ANKRD7: variants seen among roughly 807,000 people sequenced by gnomAD.
The protein encoded by ANKRD7 is ankyrin repeat domain 7.
ANKRD7 carries 30 observed loss-of-function variants against 30.8 expected under a neutral mutation model. The ratio of observed to expected loss-of-function variants is 0.97; its 90% CI spans 0.73 to 1.32. ANKRD7 has a LOEUF of 1.32. ANKRD7 is among the 40% of genes most tolerant of loss of function. ANKRD7 has a pLI of 0.00. For missense variants in ANKRD7, 264 were observed against 295.7 expected (o/e 0.89, Z 0.79); for synonymous variants, 97 against 106.6 (o/e 0.91, Z 0.55).
chr7:118,240,622 C>G (rs1442232119), intron 6 of ANKRD7, among the ~76,000 whole-genome samples: 1 of 151,660 alleles, frequency 6.6e-6, no homozygotes, highest in African/African-American at 2.4e-5. Context: ...ATTTTTTAAC[C>G]CATTGTCTCA....
At chr7:118,240,925 C>T (rs1478722018) in intron 6 of ANKRD7, among the ~76,000 whole-genome samples, 2 of 150,974 alleles carry the variant, frequency 1.3e-5, no homozygotes, top group African/African-American at 4.9e-5. Flanking sequence ...GAAGCCGAGG[C>T]GGGTGGATCA....
chr7:118,239,842 T>G, intron 5 of ANKRD7, 67 bp from the exon 6 acceptor site: 1 of 1,109,022 alleles, frequency 9.0e-7, no homozygotes, highest in Non-Finnish European at 1.3e-6. Context: ...AGGTTTTGAT[T>G]TGATACTTAT....
chr7:118,240,144 T>C (rs1809802728), intron 6 of ANKRD7, 146 bp downstream of exon 6: 1 of 261,538 alleles, frequency 3.8e-6, no homozygotes. Context: ...TTTTAAGAAC[T>C]ATTCTTTTTT....
chr7:118,230,610 C>A (rs562989213), intron 1 of ANKRD7, among the ~76,000 whole-genome samples: 1 of 151,426 alleles, frequency 6.6e-6, no homozygotes, highest in African/African-American at 2.4e-5. Context: ...AAAAAAATCT[C>A]AAATTGTATA....
intron 6 of ANKRD7, among the ~76,000 whole-genome samples, 177 bp from the exon 7 acceptor site, chr7:118,242,172 A>G (rs1809858545): frequency 6.6e-6 from 1 of 152,250 alleles, no homozygotes; most frequent in African/African-American, 2.4e-5. Context: ...GAACATAAAA[A>G]GTTATATTTC....
intron 4 of ANKRD7, 65 bp downstream of exon 4, chr7:118,236,212 G>GTGTGTA: frequency 4.4e-6 from 2 of 452,706 alleles, no homozygotes; most frequent in Non-Finnish European, 8.1e-6. Context: ...GTGTGCGTAT[G>GTGTGTA]TGTGTGTGTG....
chr7:118,237,328 A>C (rs1217435224), intron 5 of ANKRD7, among the ~76,000 whole-genome samples: 3 of 152,208 alleles, frequency 2.0e-5, no homozygotes, highest in Non-Finnish European at 4.4e-5. Context: ...AGCTAACCTT[A>C]GTTTGGTAAG....
chr7:118,227,399 G>A (rs1038891812), intron 1 of ANKRD7, among the ~76,000 whole-genome samples: 1 of 152,152 alleles, frequency 6.6e-6, no homozygotes, highest in African/African-American at 2.4e-5. Flanking sequence ...ATGGCACTGT[G>A]TTGGAGGCAG....
intron 4 of ANKRD7, 147 bp downstream of exon 4, chr7:118,236,294 G>A (rs1809728630): frequency 2.0e-6 from 1 of 507,694 alleles, no homozygotes; most frequent in Admixed American, 3.7e-5. Flanking sequence ...AAGACCCGTA[G>A]GATGTATGCT....
At chr7:118,236,210 A>ATGTATG in intron 4 of ANKRD7, 63 bp downstream of exon 4, 3 of 604,942 alleles carry the variant, frequency 5.0e-6, no homozygotes, top group South Asian at 2.5e-5. Context: ...GTGTGTGCGT[A>ATGTATG]TGTGTGTGTG....
In ANKRD7 at chr7:118,236,792, C is replaced by G. The variant is rs1043728328; in HGVS notation, c.578C>G (p.Thr193Arg). The G allele has an allele frequency of 1.9e-6, 3 of 1,613,088 alleles. No homozygotes were observed. The highest frequency in any genetic ancestry group is 1.7e-5 in the Admixed American group (1 of 59,918). ...DVNASDNYQR[T>R]ALILAVSGEP... Reference sequence around the variant, plus strand: ...TTCATTTCTATCTCTTGCTCCAGAACAGCCCTTATTCTTGCTGTCAGTGGT... The same window carrying G: ...TTCATTTCTATCTCTTGCTCCAGAAGAGCCCTTATTCTTGCTGTCAGTGGT... Residue 193 changes from threonine to arginine, a missense_variant and splice_region_variant, in exon 5 of 7, where the codon ACA (threonine) becomes AGA (arginine). Physicochemically the swap from Thr to Arg is moderately conservative, Grantham distance 71. Transcript: ENST00000265224.
chr7:118,234,932 T>A, intron 3 of ANKRD7, 58 bp downstream of exon 3: 2 of 1,365,202 alleles, frequency 1.5e-6, no homozygotes, highest in South Asian at 3.0e-5. Flanking sequence ...AAGAGCATAT[T>A]TCAGATAATT....
At chr7:118,229,830 A>G (rs537619586) in intron 1 of ANKRD7, among the ~76,000 whole-genome samples, 20 of 152,216 alleles carry the variant, frequency 1.3e-4, no homozygotes, top group African/African-American at 4.6e-4. Flanking sequence ...CGATAATTCA[A>G]CACAATCAAG....
chr7:118,230,578 T>A (rs1445927724), intron 1 of ANKRD7, among the ~76,000 whole-genome samples: 2 of 151,940 alleles, frequency 1.3e-5, no homozygotes, highest in Non-Finnish European at 2.9e-5. Context: ...TATTATAAAT[T>A]ACAACTTGAT....
intron 1 of ANKRD7, among the ~76,000 whole-genome samples, chr7:118,226,274 A>G (rs781620574): frequency 6.6e-6 from 1 of 152,206 alleles, no homozygotes; most frequent in Admixed American, 6.5e-5. Flanking sequence ...TCGCTGTTTA[A>G]TCAAATTCTT....
Position 118,242,401 on chromosome 7 carries a change from G to A in ANKRD7, c.*90G>A, listed in dbSNP as rs1239137329. 1 of 151,846 alleles carries A rather than the reference G, an allele frequency of 6.6e-6. No homozygotes were observed. Among genetic ancestry groups the A allele is most frequent in the African/African-American group, 2.4e-5 (1 of 41,370 alleles). 9.4% of individuals were successfully genotyped at this position (151,846 alleles called of 1,614,324 possible). A position where few individuals can be genotyped will look rare whatever the true frequency, so the allele number is the denominator to read the frequency against. Reference sequence around the variant, plus strand: ...TGCCGCTTCCTTGAATTGGAAAAATGTACTTTGAAAGAACCGTTAAGTGAA... The same window carrying A: ...TGCCGCTTCCTTGAATTGGAAAAATATACTTTGAAAGAACCGTTAAGTGAA... On this transcript the variant is annotated 3_prime_UTR_variant, in exon 7 of 7. Coordinates refer to ENST00000265224, the MANE Select transcript of ANKRD7 (RefSeq NM_019644.4).
chr7:118,241,046 C>T (rs1426591788), intron 6 of ANKRD7, among the ~76,000 whole-genome samples: 10 of 146,204 alleles, frequency 6.8e-5, no homozygotes, highest in East Asian at 2.1e-4. Flanking sequence ...CCCAGCTACT[C>T]GGGAGGCTGA....
At position 118,240,715 on chromosome 7, in the gene ANKRD7, A is replaced by G. The variant is rs555773501; in HGVS notation, c.*37+717A>G. ...ATCATAAAAATTTTAATTTTATTGT[A>G]AAAATACATTAAGCACTGTTGATAG... is the stretch of plus-strand genomic sequence containing the variant. On this transcript the variant is annotated intron_variant, in intron 6 of 6. Transcript: ENST00000265224. Among the ~76,000 whole-genome samples, 23 of 152,282 alleles carry G rather than the reference A, an allele frequency of 1.5e-4. No homozygotes were observed. In the South Asian group the frequency reaches 4.6e-3, roughly 30 times the overall value.
chr7:118,234,312 A>G, intron 1 of ANKRD7, 119 bp from the exon 2 acceptor site: 1 of 496,592 alleles, frequency 2.0e-6, no homozygotes, highest in Non-Finnish European at 3.5e-6. Context: ...GTTTAAATAG[A>G]AATATGTGCA....
Sources: allele counts gnomAD v4.1 joint callset (sites outside exome capture counted in the v4.1 genomes callset), GRCh38; gene constraint gnomAD v4.1.1; transcripts MANE v1.5; gene names NCBI Gene and HGNC (gene_info 2026-07-23, HGNC 2026-07-21).